TBP: variants seen among roughly 807,000 people sequenced by gnomAD.
The protein encoded by TBP is TATA-box binding protein.
In TBP, 12 loss-of-function variants were observed where a neutral mutation model predicts 46.2. The observed-to-expected ratio is 0.26, with a 90% CI of 0.17 to 0.42. The LOEUF (loss-of-function observed/expected upper bound fraction) is 0.42. TBP is among the 10% of genes least tolerant of loss of function. TBP has a pLI of 1.00. For missense variants in TBP, 229 were observed against 403.1 expected, an observed-to-expected ratio of 0.57 and a Z score of 3.70; for synonymous variants, 157 against 148.3, an observed-to-expected ratio of 1.06 and a Z score of -0.42.
chr6:170,566,551 A>T (rs1355776212), intron 4 of TBP, among the ~76,000 whole-genome samples: 5 of 98,552 alleles, frequency 5.1e-5, no homozygotes, highest in Non-Finnish European at 9.9e-5. Flanking sequence ...AACAAAATGT[A>T]TCAGAGAAGC....
chr6:170,567,053 G>A, intron 5 of TBP, 44 bp downstream of exon 5: 1 of 1,534,092 alleles, frequency 6.5e-7, no homozygotes, highest in Non-Finnish European at 9.0e-7. Context: ...GGTTATGAAT[G>A]AAAAGGTGAT....
intron 7 of TBP, among the ~76,000 whole-genome samples, chr6:170,571,748 G>T (rs1404750031): frequency 1.3e-5 from 2 of 152,154 alleles, no homozygotes; most frequent in East Asian, 3.9e-4. Flanking sequence ...TTGAACAAAA[G>T]ATGGCGTTTT....
chr6:170,557,735 CAAAAAAAAAAAAAAA>C (rs35269766), intron 2 of TBP, among the ~76,000 whole-genome samples: 12 of 52,002 alleles, frequency 2.3e-4, no homozygotes, highest in African/African-American at 8.1e-4. Context: ...GACTCTGTCT[CAAAAAAAAAAAAAAA>C]AAAAAAAAAA....
intron 4 of TBP, among the ~76,000 whole-genome samples, chr6:170,565,357 A>C (rs1583130667): frequency 6.6e-6 from 1 of 152,364 alleles, no homozygotes; most frequent in South Asian, 2.1e-4. Context: ...AATTTTGTAT[A>C]TGTATAGGGA....
At chr6:170,560,173 C>A (rs1779114875) in intron 2 of TBP, among the ~76,000 whole-genome samples, 1 of 152,120 alleles carries the variant, frequency 6.6e-6, no homozygotes, top group Admixed American at 6.6e-5. Flanking sequence ...GCCCATGGAT[C>A]AAGGAGTAAT....
intron 1 of TBP, among the ~76,000 whole-genome samples, chr6:170,556,502 C>A (rs1779031924): frequency 1.3e-5 from 2 of 152,016 alleles, no homozygotes; most frequent in South Asian, 4.2e-4. Context: ...ATTTAAAGAT[C>A]TAAACTTTGC....
At chr6:170,556,677 T>G (rs1408128529) in intron 1 of TBP, among the ~76,000 whole-genome samples, 1 of 152,210 alleles carries the variant, frequency 6.6e-6, no homozygotes, top group Non-Finnish European at 1.5e-5. Context: ...AACAAAATGA[T>G]TTTTGTTTTG....
intron 1 of TBP, among the ~76,000 whole-genome samples, chr6:170,556,639 T>G (rs535884884): frequency 6.6e-6 from 1 of 152,372 alleles, no homozygotes; most frequent in South Asian, 2.1e-4. Flanking sequence ...AGCTCGATTT[T>G]GAGCATTTTC....
Position 170,567,020 on chromosome 6 carries a change from G to C in TBP, c.677+11G>C. ...CACAGGAGCCAAGAGGTAGCCGTAA[G>C]AAATTCATTCTTCTGGTCTATGGGT... On this transcript the variant is annotated intron_variant, in intron 5 of 7. Transcript: ENST00000392092. The C allele has an allele frequency of 6.2e-7, 1 of 1,610,144 alleles. No homozygotes were observed. The highest frequency in any genetic ancestry group is 8.5e-7 in the Non-Finnish European group (1 of 1,177,508).
chr6:170,557,605 G>A (rs1779052616), intron 2 of TBP, among the ~76,000 whole-genome samples: 1 of 151,528 alleles, frequency 6.6e-6, no homozygotes, highest in Non-Finnish European at 1.5e-5. Context: ...TGTTGTGGCG[G>A]GTGCCTGTAA....
chr6:170,568,815 C>CTTTTTTTTTTTTTTTTTTTTTT lies in TBP; in HGVS notation c.678-791_678-770dup, dbSNP rs377394208. The stretch of plus-strand genomic sequence containing the variant: ...TTCTCTTCTTTCTTTCTTTCCTTTT[C>CTTTTTTTTTTTTTTTTTTTTTT]TTTTTTTTTTTTTTTTTTTTTTTTT... On this transcript the variant is annotated intron_variant, in intron 5 of 7. Transcript: ENST00000392092. Among the ~76,000 whole-genome samples the CTTTTTTTTTTTTTTTTTTTTTT allele has an allele frequency of 1.4e-3, 86 of 62,602 alleles. 26 individuals carry two copies. Among genetic ancestry groups the CTTTTTTTTTTTTTTTTTTTTTT allele is most frequent in the South Asian group, 1.8e-3 (3 of 1,708 alleles). 41.1% of individuals were successfully genotyped at this position (62,602 alleles called of 152,430 possible). A position where few individuals can be genotyped will look rare whatever the true frequency, so the allele number is the denominator to read the frequency against.
chr6:170,556,260 G>T (rs1779025491), intron 1 of TBP, among the ~76,000 whole-genome samples: 2 of 152,170 alleles, frequency 1.3e-5, no homozygotes, highest in East Asian at 3.8e-4. Context: ...GTAAAGCGAT[G>T]ATGATTTAAG....
rs1455327584 is a variant in TBP, at chr6:170,572,712, C to T, written c.*447C>T. ...AAAGTGTTGTTTTTCTAATTTATAA[C>T]TCCTAGGGGTTATTTCTGTGCCAGA... On this transcript the variant is annotated 3_prime_UTR_variant, in exon 8 of 8. Transcript: ENST00000392092. 2 of 167,838 alleles carry T rather than the reference C, an allele frequency of 1.2e-5. No individual in the cohort carries two copies. Among genetic ancestry groups the T allele is most frequent in the East Asian group, 3.6e-4 (2 of 5,590 alleles). The allele number at this position is 167,838 out of a possible 1,614,324, so 10.4% of individuals were successfully genotyped here. A position where few individuals can be genotyped will look rare whatever the true frequency, so the allele number is the denominator to read the frequency against.
chr6:170,556,424 T>C (rs2114988670), intron 1 of TBP, among the ~76,000 whole-genome samples: 1 of 152,198 alleles, frequency 6.6e-6, no homozygotes, highest in East Asian at 1.9e-4. Flanking sequence ...CTCTGAAGTA[T>C]ATTGGATTGA....
chr6:170,562,006 G>T lies in TBP; in HGVS notation c.270G>T (p.Gln90His). The part of the protein sequence containing the change: ...QQQQQQQQQQ[Q>H]QQQQQAVAAA... ...AGCAGCAGCAGCAGCAGCAGCAGCA[G>T]CAGCAGCAGCAACAGGCAGTGGCAG... The change falls in exon 3 of 8, where the codon CAG (glutamine) becomes CAT (histidine). Residue 90 changes from glutamine (Q) to histidine (H), a missense_variant. Physicochemically the swap from Gln to His is conservative, Grantham distance 24 (BLOSUM62 0). Around this residue, in one of 4 missense-constraint regions of TBP, gnomAD observed 69 missense variants for 66.2 expected, o/e 1.04. Transcript: ENST00000392092. 5 of 1,581,136 alleles carry T rather than the reference G, an allele frequency of 3.2e-6. No individual in the cohort carries two copies. Among genetic ancestry groups the T allele is most frequent in the Non-Finnish European group, 4.3e-6 (5 of 1,163,824 alleles).
rs768990707 is a variant in TBP, at chr6:170,555,352, A to G, written c.-149+889A>G. On this transcript the variant is annotated intron_variant, in intron 1 of 7. Coordinates refer to ENST00000392092, the MANE Select transcript of TBP (RefSeq NM_003194.5). ...CTCTCAAATTCATCTAGTCTTGCCA[A>G]ATTAGATCTGTTCATACTGCACTTC... Among the ~76,000 whole-genome samples, 6 of 152,210 alleles carry G rather than the reference A, an allele frequency of 3.9e-5. No individual in the cohort carries two copies. The South Asian group carries it at 8.3e-4, about 21-fold the overall frequency.
At chr6:170,571,317 GTTTA>G in intron 6 of TBP, 89 bp from the exon 7 acceptor site, 1 of 814,576 alleles carries the variant, frequency 1.2e-6, no homozygotes, top group Non-Finnish European at 2.0e-6. Context: ...TGACTAGTTT[GTTTA>G]TTCAGTATTT....
chr6:170,556,014 G>T (rs1417842001), intron 1 of TBP, among the ~76,000 whole-genome samples: 6 of 151,900 alleles, frequency 3.9e-5, no homozygotes, highest in Non-Finnish European at 5.9e-5. Context: ...TTCTTTTTTG[G>T]TCTGTTTTTC....
At chr6:170,562,556 T>A (rs964280348) in intron 3 of TBP, among the ~76,000 whole-genome samples, 1 of 152,200 alleles carries the variant, frequency 6.6e-6, no homozygotes, top group African/African-American at 2.4e-5. Flanking sequence ...AATCACAATG[T>A]TAGGTAGTCT....
Sources: allele counts gnomAD v4.1 joint callset (sites outside exome capture counted in the v4.1 genomes callset), GRCh38; gene constraint gnomAD v4.1.1; regional missense constraint gnomAD v4.1.1; transcripts MANE v1.5; gene names NCBI Gene and HGNC (gene_info 2026-07-23, HGNC 2026-07-21).